NAV1: variants seen among roughly 807,000 people sequenced by gnomAD.
NAV1 encodes neuron navigator 1.
Under a neutral mutation model 175.2 loss-of-function variants are expected in NAV1, and 18 were observed. The observed-to-expected ratio is 0.10, with a 90% CI of 0.07 to 0.15. NAV1 has a LOEUF of 0.15. NAV1 is among the 10% of genes least tolerant of loss of function. The pLI, the probability that NAV1 is intolerant of heterozygous loss-of-function variation, is 1.00. For missense variants in NAV1, 1,731 were observed against 2,436.6 expected, an observed-to-expected ratio of 0.71 and a Z score of 6.10; for synonymous variants, 897 against 978.7, an observed-to-expected ratio of 0.92 and a Z score of 1.56.
chr1:201,783,375 A>G (rs199633589), intron 6 of NAV1, 31 bp from the exon 11 acceptor site: 162 of 1,597,590 alleles, frequency 1.0e-4, no homozygotes, highest in Non-Finnish European at 1.3e-4. Context: ...TAATTCTATT[A>G]TTCTAAATAT....
At chr1:201,695,950 G>A (rs1024044761) in intron 1 of NAV1, among the ~76,000 whole-genome samples, 1 of 152,248 alleles carries the variant, frequency 6.6e-6, no homozygotes, top group South Asian at 2.1e-4. Flanking sequence ...ACTCTCAGGA[G>A]AGCAGAAATG....
intron 2 of NAV1, among the ~76,000 whole-genome samples, chr1:201,599,508 G>A (rs1453554916): frequency 6.6e-6 from 1 of 152,208 alleles, no homozygotes; most frequent in African/African-American, 2.4e-5. Context: ...GTTTCATGAG[G>A]TCCTGACCCA....
chr1:201,592,011 T>G (rs982966929), intron 2 of NAV1, among the ~76,000 whole-genome samples: 1 of 152,200 alleles, frequency 6.6e-6, no homozygotes, highest in African/African-American at 2.4e-5. Flanking sequence ...TGAGGCAGCC[T>G]GTGCAGGCTG....
chr1:201,717,616 G>C (rs1190480231), intron 2 of NAV1, among the ~76,000 whole-genome samples: 1 of 152,218 alleles, frequency 6.6e-6, no homozygotes, highest in Non-Finnish European at 1.5e-5. Context: ...TGAGACTCTG[G>C]ACATTTGGCT....
chr1:201,704,843 C>T (rs1671598394), intron 1 of NAV1, among the ~76,000 whole-genome samples: 1 of 152,174 alleles, frequency 6.6e-6, no homozygotes, highest in Admixed American at 6.5e-5. Context: ...TAGAACCAGA[C>T]TGTCAAAGCT....
intron 1 of NAV1, among the ~76,000 whole-genome samples, chr1:201,565,937 C>T (rs1300947870): frequency 1.8e-4 from 27 of 152,204 alleles, no homozygotes; most frequent in Admixed American, 1.7e-3. Flanking sequence ...TCAGCGCCTC[C>T]CTCTCAGACT....
In NAV1 at chr1:201,807,960, G is replaced by A. The variant is rs756888845; in HGVS notation, c.3656G>A (p.Ser1219Asn). Reference sequence around the variant, plus strand: ...GGATCTGCTTTTTTCTAGCTTCGAAGTTCCTTCAACAAAGCGTTCAGTATA... The same window carrying A: ...GGATCTGCTTTTTTCTAGCTTCGAAATTCCTTCAACAAAGCGTTCAGTATA... The change falls in exon 18 of 30, where the codon AGT becomes AAT. Residue 1219 changes from serine (S) to asparagine (N), a missense_variant. Around this residue, in one of 13 missense-constraint regions of NAV1, gnomAD observed 146 missense variants for 176.8 expected, o/e 0.83. Coordinates refer to ENST00000367296, the Ensembl canonical transcript of NAV1. This position sits in a 1 kb window ranked among gnomAD's most constrained non-coding sequence, Gnocchi z 5.4. 10 of 1,614,152 alleles carry A rather than the reference G, an allele frequency of 6.2e-6. No individual in the cohort carries two copies. The highest frequency in any genetic ancestry group is 4.2e-6 in the Non-Finnish European group (5 of 1,180,040).
chr1:201,739,857 C>T (rs891776687), intron 3 of NAV1: 1 of 1,278,086 alleles, frequency 7.8e-7, no homozygotes, highest in Non-Finnish European at 9.9e-7. Context: ...AAGTACAAGC[C>T]CTGGTGGTGG....
At chr1:201,769,083 G>A (rs1158888992) in intron 3 of NAV1, among the ~76,000 whole-genome samples, 1 of 152,168 alleles carries the variant, frequency 6.6e-6, no homozygotes. Flanking sequence ...TCCACTTCCA[G>A]CTTTATGTGC....
At chr1:201,642,256 A>T (rs1412951564) in intron 2 of NAV1, among the ~76,000 whole-genome samples, 1 of 139,442 alleles carries the variant, frequency 7.2e-6, no homozygotes, top group African/African-American at 2.7e-5. Flanking sequence ...TCTGTCGCCC[A>T]GGCTGGAGTG....
rs140023634 is a variant in NAV1 at position 201,589,144 on chromosome 1, G to A, written c.-33+495G>A. On this transcript the variant is annotated intron_variant, in intron 2 of 33. Transcript: ENST00000685211. Reference sequence around the variant, plus strand: ...ATTACAGGCATGAGCCACTGCACCCGGCCCAAAAGTTTGGATTTTATTATA... The same window carrying A: ...ATTACAGGCATGAGCCACTGCACCCAGCCCAAAAGTTTGGATTTTATTATA... 6.1e-3 allele frequency among the ~76,000 whole-genome samples: 924 copies of A among 152,220 alleles called. 10 individuals carry two copies. Among genetic ancestry groups the A allele is most frequent in the African/African-American group, 0.02 (827 of 41,530 alleles).
intron 1 of NAV1, among the ~76,000 whole-genome samples, chr1:201,558,613 G>A (rs958418088): frequency 6.6e-6 from 1 of 152,054 alleles, no homozygotes; most frequent in African/African-American, 2.4e-5. Context: ...CCACCACGCT[G>A]GCTAATTTTT....
chr1:201,623,911 A>G (rs893011230), intron 1 of NAV1, among the ~76,000 whole-genome samples: 5 of 152,230 alleles, frequency 3.3e-5, no homozygotes, highest in African/African-American at 9.6e-5. Flanking sequence ...GCTCTCTGGA[A>G]CAATATAAAG....
chr1:201,708,817 A>G (rs1413468000), intron 1 of NAV1, among the ~76,000 whole-genome samples: 2 of 152,118 alleles, frequency 1.3e-5, no homozygotes, highest in African/African-American at 4.8e-5. Context: ...ACAGAGACAC[A>G]TGGAGGCAGC....
At chr1:201,594,863 A>T (rs1013096628) in intron 2 of NAV1, among the ~76,000 whole-genome samples, 2 of 152,194 alleles carry the variant, frequency 1.3e-5, no homozygotes, top group Non-Finnish European at 2.9e-5. Flanking sequence ...GGATTCAGAG[A>T]CCAGTTTAGA....
chr1:201,713,015 C>A, intron 2 of NAV1, 96 bp downstream of exon 6: 1 of 796,498 alleles, frequency 1.3e-6, no homozygotes, highest in Non-Finnish European at 2.2e-6. Context: ...CACACCTCTG[C>A]CAGGTCAGCC....
At chr1:201,553,137 T>A (rs1379846250) in intron 1 of NAV1, among the ~76,000 whole-genome samples, 1 of 152,162 alleles carries the variant, frequency 6.6e-6, no homozygotes, top group Non-Finnish European at 1.5e-5. Context: ...AAATATATGG[T>A]AAGGTGGGAG....
chr1:201,745,593 G>A (rs956591993), intron 3 of NAV1, among the ~76,000 whole-genome samples: 1 of 152,164 alleles, frequency 6.6e-6, no homozygotes, highest in Non-Finnish European at 1.5e-5. Context: ...TTTCTGATGT[G>A]TGCATATGTT....
chr1:201,756,842 T>C (rs570846431), intron 3 of NAV1, among the ~76,000 whole-genome samples: 11 of 119,616 alleles, frequency 9.2e-5, no homozygotes, highest in African/African-American at 3.1e-4. Flanking sequence ...CTTTCTTTCT[T>C]TCTTTCTTTC....
Sources: gnomAD v4.1 joint callset for allele counts (sites outside exome capture counted in the v4.1 genomes callset) on GRCh38, gnomAD v4.1.1 for gene constraint, gnomAD v4.1.1 regional missense constraint, Gnocchi (gnomAD v3.1) non-coding constraint, MANE v1.5 for transcripts, NCBI Gene and HGNC (gene_info 2026-07-23, HGNC 2026-07-21) for gene names.